CD28: variants seen among roughly 807,000 people sequenced by gnomAD.
The protein encoded by CD28 is T-cell-specific surface glycoprotein CD28.
A neutral mutation model predicts 21.4 loss-of-function variants in CD28; 8 were observed. The ratio of observed to expected loss-of-function variants is 0.37; its 90% CI spans 0.22 to 0.68. The LOEUF (loss-of-function observed/expected upper bound fraction) is 0.68. Among genes scored for constraint, CD28 ranks in the 30% least tolerant of loss-of-function variants. The probability of loss-of-function intolerance (pLI) is 0.55; values close to 1 mark genes in which losing one functional copy is unlikely to be tolerated. For synonymous variants in CD28, 106 were observed against 104.0 expected (o/e 1.02, Z -0.12); for missense variants, 239 against 272.2 (o/e 0.88, Z 0.86).
chr2:203,714,577 C>T (rs933150234), intron 1 of CD28, among the ~76,000 whole-genome samples: 29 of 152,162 alleles, frequency 1.9e-4, no homozygotes, highest in Non-Finnish European at 1.5e-4. Context: ...GTCTATCATA[C>T]TGTGACAGAA....
intron 1 of CD28, among the ~76,000 whole-genome samples, chr2:203,712,304 G>A (rs1463382525): frequency 6.6e-6 from 1 of 152,170 alleles, no homozygotes; most frequent in African/African-American, 2.4e-5. Flanking sequence ...ATTTAGTTGA[G>A]TAGGTTATAT....
intron 1 of CD28, among the ~76,000 whole-genome samples, chr2:203,716,345 T>G (rs980148783): frequency 5.3e-5 from 8 of 152,182 alleles, no homozygotes; most frequent in Admixed American, 2.0e-4. Context: ...CAATGACCCT[T>G]TAAAGGGTTC....
chr2:203,717,463 T>G (rs949061473), intron 1 of CD28, among the ~76,000 whole-genome samples: 2 of 152,218 alleles, frequency 1.3e-5, no homozygotes, highest in African/African-American at 4.8e-5. Flanking sequence ...ATAATTCTGC[T>G]GCTGCAAGTC....
At chr2:203,723,400 T>C (rs1693655222) in intron 1 of CD28, among the ~76,000 whole-genome samples, 1 of 151,820 alleles carries the variant, frequency 6.6e-6, no homozygotes, top group Non-Finnish European at 1.5e-5. Flanking sequence ...GGCAGGAGGA[T>C]TGCTTGATTC....
At chr2:203,734,660 A>C in intron 3 of CD28, 124 bp from the exon 4 acceptor site, 5 of 1,209,338 alleles carry the variant, frequency 4.1e-6, no homozygotes, top group Middle Eastern at 2.3e-4. Flanking sequence ...CAAGGTGCTC[A>C]AAAAAGGTTA....
chr2:203,707,953 C>T (rs754458497), intron 1 of CD28, among the ~76,000 whole-genome samples: 3 of 152,104 alleles, frequency 2.0e-5, no homozygotes, highest in Non-Finnish European at 2.9e-5. Flanking sequence ...GCTCATTCAA[C>T]GTGTTCTCAG....
Position 203,737,246 on chromosome 2 carries a change from C to G in CD28, c.*2334C>G, listed in dbSNP as rs202053791. On this transcript the variant is annotated 3_prime_UTR_variant, in exon 4 of 4. Coordinates refer to ENST00000324106, the MANE Select transcript of CD28 (RefSeq NM_006139.4). ...TGGGCTTCCATTCCATGGATTTAAT[C>G]AGTCCCAAGAAGATCAAACTCAGCA... The G allele has an allele frequency of 6.6e-6, 1 of 152,040 alleles. No homozygotes were observed. Among genetic ancestry groups the G allele is most frequent in the Admixed American group, 6.5e-5 (1 of 15,272 alleles). The allele number at this position is 152,040 out of a possible 1,614,324, so 9.4% of individuals were successfully genotyped here.
intron 1 of CD28, among the ~76,000 whole-genome samples, chr2:203,714,714 T>G (rs1023095417): frequency 6.6e-6 from 1 of 152,136 alleles, no homozygotes; most frequent in Non-Finnish European, 1.5e-5. Flanking sequence ...TTTTGTCGGG[T>G]CTAACAAGGC....
chr2:203,725,195 C>T (rs1272017915), intron 1 of CD28, among the ~76,000 whole-genome samples: 1 of 151,586 alleles, frequency 6.6e-6, no homozygotes, highest in African/African-American at 2.4e-5. Context: ...GAGGCTGAGG[C>T]AGGAGAATCA....
chr2:203,713,852 G>GGGA (rs1693384556), intron 1 of CD28, among the ~76,000 whole-genome samples: 1 of 141,672 alleles, frequency 7.1e-6, no homozygotes, highest in Non-Finnish European at 1.5e-5. Context: ...AGAGAGAGAG[G>GGGA]GAGAGAGAGA....
chr2:203,735,751 C>T lies in CD28; in HGVS notation c.*839C>T, dbSNP rs951288501. The T allele has an allele frequency of 6.6e-6, 1 of 152,352 alleles. No individual in the cohort carries two copies. The highest frequency in any genetic ancestry group is 1.9e-4 in the East Asian group (1 of 5,182). 9.4% of individuals were successfully genotyped at this position (152,352 alleles called of 1,614,324 possible). A position where few individuals can be genotyped will look rare whatever the true frequency, so the allele number is the denominator to read the frequency against. On this transcript the variant is annotated 3_prime_UTR_variant, in exon 4 of 4. Coordinates refer to ENST00000324106, the MANE Select transcript of CD28 (RefSeq NM_006139.4). ...TACTATGGGACCTGGCGCAGTGGCT[C>T]ATGCTTGTAATCCCAGCACTTTGGG... is the stretch of plus-strand genomic sequence containing the variant.
chr2:203,737,889 T>G lies in CD28; in HGVS notation c.*2977T>G, dbSNP rs573996315. 6.5e-6 allele frequency: 1 copy of G among 152,672 alleles called. No individual in the cohort carries two copies. Among genetic ancestry groups the G allele is most frequent in the Non-Finnish European group, 1.5e-5 (1 of 68,034 alleles). The allele number at this position is 152,672 out of a possible 1,614,324, so 9.5% of individuals were successfully genotyped here. A position where few individuals can be genotyped will look rare whatever the true frequency, so the allele number is the denominator to read the frequency against. On this transcript the variant is annotated 3_prime_UTR_variant, in exon 4 of 4. Transcript: ENST00000324106. ...TTGTCTTTTGGTATTAAGAAAGATA[T>G]GCTTTCAGAATAGATATGCTTCGCT...
chr2:203,716,951 C>T (rs574619548), intron 1 of CD28, among the ~76,000 whole-genome samples: 2 of 152,174 alleles, frequency 1.3e-5, no homozygotes, highest in Non-Finnish European at 2.9e-5. Flanking sequence ...CCACCTCAGC[C>T]TCCCAAGGAG....
In CD28 at chr2:203,729,698, TG is replaced by T; in HGVS notation, c.463del (p.Val155CysfsTer15). ...PLFPGPSKPF[W>X]VLVVVGGVLA... ...ATTTCCCGGACCTTCTAAGCCCTTT[TG>T]GGTGCTGGTGGTGGTTGGTGGAGTC... is the stretch of plus-strand genomic sequence containing the variant. On this transcript the variant is annotated frameshift_variant, in exon 3 of 4. Transcript: ENST00000324106. LOFTEE classifies it high-confidence loss of function. 1 of 1,614,072 alleles carries T rather than the reference TG, an allele frequency of 6.2e-7. No individual in the cohort carries two copies.
chr2:203,713,120 G>T (rs551597627), intron 1 of CD28, among the ~76,000 whole-genome samples: 7 of 152,322 alleles, frequency 4.6e-5, no homozygotes, highest in African/African-American at 1.7e-4. Flanking sequence ...ACTGTTTCAT[G>T]TTCTCAGAAC....
intron 3 of CD28, among the ~76,000 whole-genome samples, chr2:203,733,422 G>GT (rs541841309): frequency 1.3e-4 from 20 of 151,890 alleles, no homozygotes; most frequent in Admixed American, 3.9e-4. Flanking sequence ...AGAAACACTG[G>GT]TAAAAAAAAA....
chr2:203,730,160 A>G (rs1488799948), intron 3 of CD28, among the ~76,000 whole-genome samples: 1 of 152,204 alleles, frequency 6.6e-6, no homozygotes, highest in Non-Finnish European at 1.5e-5. Flanking sequence ...CCAATGGACA[A>G]TGTTGGCTTG....
chr2:203,713,347 G>A (rs1693367681), intron 1 of CD28, among the ~76,000 whole-genome samples: 1 of 152,154 alleles, frequency 6.6e-6, no homozygotes, highest in South Asian at 2.1e-4. Flanking sequence ...CATAACTGTA[G>A]AAAAACAGAG....
chr2:203,707,627 C>CTT (rs1693195524), intron 1 of CD28, among the ~76,000 whole-genome samples: 1 of 152,148 alleles, frequency 6.6e-6, no homozygotes, highest in African/African-American at 2.4e-5. Flanking sequence ...ACATCTAGCA[C>CTT]TTTGAGCAGC....
Sources: allele counts gnomAD v4.1 joint callset (sites outside exome capture counted in the v4.1 genomes callset), GRCh38; gene constraint gnomAD v4.1.1; transcripts MANE v1.5; gene names NCBI Gene and HGNC (gene_info 2026-07-23, HGNC 2026-07-21).